The following NOL9 variants were observed in gnomAD, a reference collection of about 807,000 sequenced individuals.
NOL9 encodes polynucleotide 5'-hydroxyl-kinase NOL9.
A neutral mutation model predicts 67.9 loss-of-function variants in NOL9; 28 were observed. The ratio of observed to expected loss-of-function variants is 0.41; its 90% CI spans 0.31 to 0.57. The LOEUF (loss-of-function observed/expected upper bound fraction) is 0.57, where lower values mean the gene tolerates loss of function less well. Ranked by LOEUF, NOL9 falls within the 20% of genes least tolerant of loss-of-function variation. The pLI is 0.25. For synonymous variants in NOL9, 356 were observed against 352.2 expected, an observed-to-expected ratio of 1.01 and a Z score of -0.12; for missense variants, 777 against 897.0, an observed-to-expected ratio of 0.87 and a Z score of 1.71.
chr1:6,540,121 A>ATTTTTT (rs1328996043), intron 6 of NOL9, among the ~76,000 whole-genome samples: 1 of 18,990 alleles, frequency 5.3e-5, no homozygotes, highest in African/African-American at 1.5e-4. Context: ...AAGGAGAGTT[A>ATTTTTT]TTCTTTTTTT....
rs1639612504 is a variant in NOL9 at position 6,554,147 on chromosome 1, A to G, written c.356T>C (p.Val119Ala). 6.5e-7 allele frequency: 1 copy of G among 1,530,354 alleles called. No homozygotes were observed. The highest frequency in any genetic ancestry group is 8.8e-7 in the Non-Finnish European group (1 of 1,138,234). The allele number at this position is 1,530,354 out of a possible 1,614,324, so 94.8% of individuals were successfully genotyped here. Residue 119 changes from valine (V) to alanine (A), a missense_variant, in exon 1 of 12, where the codon GTG (valine) becomes GCG (alanine). Coordinates refer to ENST00000377705, the MANE Select transcript of NOL9 (RefSeq NM_024654.5). ...CAGCAGCAACGCGCGGCCGGGGCCC[A>G]CGGGCCGCACCGGTGGGATGAGGAG... is the stretch of plus-strand genomic sequence containing the variant. Reference protein sequence around the residue: ...RPLLIPPVRPVGPGRALLLLP... With the variant: ...RPLLIPPVRPAGPGRALLLLP...
chr1:6,549,620 A>G lies in NOL9; in HGVS notation c.695T>C (p.Val232Ala), dbSNP rs761653918. 8.1e-6 allele frequency: 13 copies of G among 1,614,088 alleles called. No homozygotes were observed. In the South Asian group the frequency reaches 1.4e-4, roughly 18 times the overall value. Residue 232 changes from valine to alanine, a missense_variant, in exon 3 of 12, where the codon GTA becomes GCA. Physicochemically the swap from Val to Ala is moderately conservative, Grantham distance 64 (BLOSUM62 0). Around this residue, in one of 2 missense-constraint regions of NOL9, gnomAD observed 364 missense variants for 344.4 expected, o/e 1.06. Coordinates refer to ENST00000377705, the MANE Select transcript of NOL9 (RefSeq NM_024654.5). ...ACCCGGATAGCTGGTTATGAAGTTT[A>G]CAGTGGCAGTTTTCAGATGTTCTAG... ...VLLEHLKTATVNFITSYPGSS... is the reference protein window; with the variant it reads ...VLLEHLKTATANFITSYPGSS...
Position 6,545,174 on chromosome 1 carries a change from T to A in NOL9, c.751A>T (p.Thr251Ser). The A allele has an allele frequency of 6.2e-7, 1 of 1,607,632 alleles. No homozygotes were observed. The change falls in exon 4 of 12, where the codon ACT (threonine) becomes TCT (serine). Residue 251 changes from threonine (T) to serine (S), a missense_variant. By Grantham distance (58) the Thr-to-Ser change is moderately conservative. Coordinates refer to ENST00000377705, the MANE Select transcript of NOL9 (RefSeq NM_024654.5). ...AAATATTCAGGTTTAATCTGGGGAG[T>A]TGGACTCTGAAATCAACAATTTAAA... Reference protein sequence around the residue: ...SSYIFVQESPTPQIKPEYLAL... With the variant: ...SSYIFVQESPSPQIKPEYLAL...
intron 5 of NOL9, 108 bp downstream of exon 5, chr1:6,544,718 G>GT: frequency 5.3e-6 from 6 of 1,130,626 alleles, no homozygotes; most frequent in East Asian, 2.5e-5. Context: ...CTTTAGACCT[G>GT]TATGTAATCT....
Position 6,525,788 on chromosome 1 carries a change from T to C in NOL9, c.*66A>G, listed in dbSNP as rs538035786. The C allele has an allele frequency of 2.6e-6, 4 of 1,547,970 alleles. No individual in the cohort carries two copies. Among genetic ancestry groups the C allele is most frequent in the Non-Finnish European group, 2.7e-6 (3 of 1,124,142 alleles). On this transcript the variant is annotated 3_prime_UTR_variant, in exon 12 of 12. Coordinates refer to ENST00000377705, the MANE Select transcript of NOL9 (RefSeq NM_024654.5). ...TGGCCATGAAACTCCATCATGTCTC[T>C]TGTGGTCAGGCTTGAGACAAAGCTT...
At chr1:6,547,382 GTT>G (rs1482722596) in intron 3 of NOL9, among the ~76,000 whole-genome samples, 1 of 152,060 alleles carries the variant, frequency 6.6e-6, no homozygotes, top group African/African-American at 2.4e-5. Flanking sequence ...CACCCCAGTC[GTT>G]AAGCCAAAAA....
At chr1:6,539,708 T>G (rs12028881) in intron 6 of NOL9, among the ~76,000 whole-genome samples, 22,982 of 152,074 alleles carry the variant, frequency 0.15, 2,095 homozygotes, top group African/African-American at 0.26. Context: ...GGTCTCAAAC[T>G]CCCAGGCTCA....
chr1:6,533,681 CCATT>C (rs1639084661), intron 6 of NOL9, among the ~76,000 whole-genome samples: 1 of 152,210 alleles, frequency 6.6e-6, no homozygotes. Context: ...CCTAACATGG[CCATT>C]CATTCAGCGA....
intron 5 of NOL9, among the ~76,000 whole-genome samples, chr1:6,543,446 C>T (rs919271515): frequency 4.6e-5 from 7 of 151,930 alleles, no homozygotes; most frequent in Non-Finnish European, 8.8e-5. Context: ...CTGCCCGCCT[C>T]AGCATCCCAA....
At chr1:6,542,221 C>G (rs1029506473) in intron 5 of NOL9, among the ~76,000 whole-genome samples, 2 of 150,110 alleles carry the variant, frequency 1.3e-5, no homozygotes, top group Middle Eastern at 3.2e-3. Context: ...GGCTGCAGTG[C>G]ACAATCTCGG....
chr1:6,540,357 C>T (rs1374226946), intron 6 of NOL9, among the ~76,000 whole-genome samples: 1 of 151,708 alleles, frequency 6.6e-6, no homozygotes, highest in East Asian at 1.9e-4. Context: ...CTCCTAACCT[C>T]GTGATCCACC....
At chr1:6,550,028 T>A (rs1639510092) in intron 2 of NOL9, among the ~76,000 whole-genome samples, 1 of 97,736 alleles carries the variant, frequency 1.0e-5, no homozygotes, top group Non-Finnish European at 2.4e-5. Context: ...ATAGTAAGCA[T>A]CTAAAATAAT....
intron 10 of NOL9, among the ~76,000 whole-genome samples, chr1:6,528,776 C>A (rs372356247): frequency 3.0e-4 from 45 of 152,298 alleles, no homozygotes; most frequent in African/African-American, 4.1e-4. Flanking sequence ...CAAGCCCAGG[C>A]CCTTGGGAAG....
intron 3 of NOL9, chr1:6,548,353 G>C: frequency 5.7e-6 from 1 of 174,574 alleles, no homozygotes; most frequent in Non-Finnish European, 1.2e-5. Flanking sequence ...TGCCATGTTG[G>C]CCAGGCTGGT....
At chr1:6,526,595 C>T (rs1638889795) in intron 11 of NOL9, 101 bp downstream of exon 11, 2 of 1,227,566 alleles carry the variant, frequency 1.6e-6, no homozygotes, top group South Asian at 1.7e-5. Flanking sequence ...GTATAGGTTT[C>T]CCAGATCACC....
At chr1:6,535,363 A>G (rs1015067321) in intron 6 of NOL9, among the ~76,000 whole-genome samples, 3 of 152,168 alleles carry the variant, frequency 2.0e-5, no homozygotes, top group Non-Finnish European at 2.9e-5. Context: ...AGAGAAAGTG[A>G]AAGATGACCC....
Position 6,549,659 on chromosome 1 carries a change from C to T in NOL9, c.656G>A (p.Cys219Tyr). Residue 219 changes from cysteine to tyrosine, a missense_variant, in exon 3 of 12, where the codon TGT becomes TAT. By Grantham distance (194) the Cys-to-Tyr change is radical (BLOSUM62 -2). Transcript: ENST00000377705. ...CAGATGTTCTAGCAACACAATGGAA[C>T]ACTGAGGAGAAAAATTCTGCATCGA... The part of the protein sequence containing the change: ...RWSMQNFSPQ[C>Y]SIVLLEHLKT... 1 of 1,614,150 alleles carries T rather than the reference C, an allele frequency of 6.2e-7. No homozygotes were observed. Among genetic ancestry groups the T allele is most frequent in the South Asian group, 1.1e-5 (1 of 91,088 alleles).
chr1:6,552,165 AG>A (rs1284367077), intron 1 of NOL9, among the ~76,000 whole-genome samples: 2 of 152,220 alleles, frequency 1.3e-5, no homozygotes, highest in African/African-American at 4.8e-5. Context: ...GAAGGGCGTC[AG>A]GAAGAATGGA....
At chr1:6,541,973 T>G (rs779866671) in intron 5 of NOL9, 46 bp from the exon 6 acceptor site, 1 of 1,252,604 alleles carries the variant, frequency 8.0e-7, no homozygotes, top group Non-Finnish European at 1.1e-6. Context: ...CCTAACTAGC[T>G]TTACTCAGTA....
Sources: gnomAD v4.1 joint callset for allele counts (sites outside exome capture counted in the v4.1 genomes callset) on GRCh38, gnomAD v4.1.1 for gene constraint, gnomAD v4.1.1 regional missense constraint, MANE v1.5 for transcripts, NCBI Gene and HGNC (gene_info 2026-07-23, HGNC 2026-07-21) for gene names.